Variants in ZBTB43 observed in about 807,000 individuals in gnomAD.
ZBTB43 encodes zinc finger and BTB domain containing 43, also known as zinc finger and BTB domain-containing protein 43.
A neutral mutation model predicts 31.1 loss-of-function variants in ZBTB43; 6 were observed. The ratio of observed to expected loss-of-function variants is 0.19; its 90% CI spans 0.11 to 0.38. The LOEUF is 0.38. Among genes scored for constraint, ZBTB43 ranks in the 10% least tolerant of loss-of-function variants. The probability of loss-of-function intolerance (pLI) is 1.00; values close to 1 mark genes in which losing one functional copy is unlikely to be tolerated. For synonymous variants in ZBTB43, 212 were observed against 221.7 expected, an observed-to-expected ratio of 0.96 and a Z score of 0.39; for missense variants, 379 against 602.1, an observed-to-expected ratio of 0.63 and a Z score of 3.88.
intron 2 of ZBTB43, among the ~76,000 whole-genome samples, chr9:126,829,021 C>T (rs1293996955): frequency 6.6e-6 from 1 of 152,144 alleles, no homozygotes; most frequent in Non-Finnish European, 1.5e-5. Flanking sequence ...AGGAGATAGG[C>T]AGACTTTATT....
In ZBTB43 at chr9:126,834,955, G is replaced by C. The variant is rs1588371215; in HGVS notation, c.*1042G>C. On this transcript the variant is annotated 3_prime_UTR_variant, in exon 3 of 3. Coordinates refer to ENST00000373464, the MANE Select transcript of ZBTB43 (RefSeq NM_014007.4). ...AAGGTGACACTCCACCAACCAGAGT[G>C]AGAGGGCAGATAGGCAGGATTCTAT... The C allele has an allele frequency of 6.0e-6, 1 of 167,066 alleles. No individual in the cohort carries two copies. Among genetic ancestry groups the C allele is most frequent in the East Asian group, 1.9e-4 (1 of 5,200 alleles). The allele number at this position is 167,066 out of a possible 1,614,324, so 10.3% of individuals were successfully genotyped here.
intron 2 of ZBTB43, among the ~76,000 whole-genome samples, chr9:126,813,315 A>G (rs7856497): frequency 0.8 from 122,194 of 152,112 alleles, 49,320 homozygotes; most frequent in East Asian, 0.98. Context: ...GACTACACTT[A>G]TTGAAATCCT....
At position 126,808,207 on chromosome 9, in the gene ZBTB43, C is replaced by T. The variant is rs562922412; in HGVS notation, c.-146-586C>T. 3.2e-3 allele frequency among the ~76,000 whole-genome samples: 485 copies of T among 152,144 alleles called. 2 individuals are homozygous for T. Among genetic ancestry groups the T allele is most frequent in the Non-Finnish European group, 5.4e-3 (368 of 67,994 alleles). On this transcript the variant is annotated intron_variant, in intron 1 of 2. Transcript: ENST00000373464. The stretch of plus-strand genomic sequence containing the variant: ...ATAAATGGGGGGTTAGTTTCTAGAA[C>T]GTTACCTTCTCTTTTGAATCTCAGA...
chr9:126,814,407 T>A (rs1157237524), intron 2 of ZBTB43, among the ~76,000 whole-genome samples: 1 of 125,374 alleles, frequency 8.0e-6, no homozygotes, highest in Non-Finnish European at 1.7e-5. Context: ...GATATTAGTA[T>A]TGTGTTGCTT....
intron 2 of ZBTB43, among the ~76,000 whole-genome samples, chr9:126,827,485 T>G (rs547144567): frequency 6.6e-6 from 1 of 152,176 alleles, no homozygotes; most frequent in African/African-American, 2.4e-5. Context: ...CACACTGATC[T>G]CTTCTGAGCT....
At chr9:126,822,981 G>A (rs140979490) in intron 2 of ZBTB43, among the ~76,000 whole-genome samples, 13 of 151,946 alleles carry the variant, frequency 8.6e-5, no homozygotes, top group African/African-American at 2.9e-4. Context: ...ACAGTATGGT[G>A]TAAGCATTAC....
At chr9:126,828,640 A>AT (rs200815040) in intron 2 of ZBTB43, among the ~76,000 whole-genome samples, 1,674 of 138,710 alleles carry the variant, frequency 0.012, 43 homozygotes, top group African/African-American at 0.042. Flanking sequence ...AATAATAATA[A>AT]TAATAATAAT....
chr9:126,804,365 T>C (rs141911371), upstream of ZBTB43, among the ~76,000 whole-genome samples: 1 of 152,224 alleles, frequency 6.6e-6, no homozygotes, highest in East Asian at 1.9e-4. Flanking sequence ...AAAAGCGAGA[T>C]GGGTGCTGTG....
intron 2 of ZBTB43, among the ~76,000 whole-genome samples, chr9:126,822,159 ATTT>A (rs773251812): frequency 4.2e-5 from 5 of 117,920 alleles, no homozygotes; most frequent in Non-Finnish European, 5.4e-5. Context: ...CTCGGCCGAG[ATTT>A]TTTTTTTTTT....
At position 126,805,145 on chromosome 9, in the gene ZBTB43, C is replaced by A. The variant is rs1390431440; in HGVS notation, c.-147+13C>A. The A allele has an allele frequency of 2.0e-5, 3 of 152,622 alleles. No individual in the cohort carries two copies. The highest frequency in any genetic ancestry group is 4.1e-4 in the South Asian group (2 of 4,838). 9.5% of individuals were successfully genotyped at this position (152,622 alleles called of 1,614,324 possible). ...GAGCCCTTGGCAGGTACTGCGTGGC[C>A]AGGACCACGGGCGGCAAGGGTAGGG... On this transcript the variant is annotated intron_variant, in intron 1 of 2. Coordinates refer to ENST00000373464, the MANE Select transcript of ZBTB43 (RefSeq NM_014007.4).
intron 2 of ZBTB43, among the ~76,000 whole-genome samples, chr9:126,820,475 G>A (rs2032485185): frequency 6.6e-6 from 1 of 152,108 alleles, no homozygotes; most frequent in Non-Finnish European, 1.5e-5. Context: ...AATATTTTAA[G>A]CCCACTGTTG....
At chr9:126,820,267 C>T (rs377281657) in intron 2 of ZBTB43, among the ~76,000 whole-genome samples, 1 of 152,126 alleles carries the variant, frequency 6.6e-6, no homozygotes, top group African/African-American at 2.4e-5. Flanking sequence ...GAGGAGAAGA[C>T]AATACCTGGC....
intron 1 of ZBTB43, among the ~76,000 whole-genome samples, chr9:126,805,895 A>G (rs2032117030): frequency 6.6e-6 from 1 of 152,148 alleles, no homozygotes; most frequent in South Asian, 2.1e-4. Flanking sequence ...CCTCTGAGCC[A>G]TGGAAGGTGA....
intron 2 of ZBTB43, among the ~76,000 whole-genome samples, chr9:126,826,949 C>T (rs1165326195): frequency 6.6e-6 from 1 of 152,112 alleles, no homozygotes. Flanking sequence ...TGTGAATGTA[C>T]TGTATATTCC....
At position 126,833,804 on chromosome 9, in the gene ZBTB43, T is replaced by C; in HGVS notation, c.1295T>C (p.Ile432Thr). Residue 432 changes from isoleucine (I) to threonine (T), a missense_variant, in exon 3 of 3, where the codon ATC becomes ACC. Coordinates refer to ENST00000373464, the MANE Select transcript of ZBTB43 (RefSeq NM_014007.4). The surrounding 1 kb of genome is among the most constrained non-coding windows in gnomAD (Gnocchi z 7.9). ...GGCATAAAGCCGTATGAGTGTAATATCTGTGCAAAGAGGTTTATGTGGAGG... is the reference window on the plus strand; with the variant it reads ...GGCATAAAGCCGTATGAGTGTAATACCTGTGCAAAGAGGTTTATGTGGAGG... ...HTGIKPYECNICAKRFMWRDS... is the reference protein window; with the variant it reads ...HTGIKPYECNTCAKRFMWRDS... The C allele has an allele frequency of 6.2e-7, 1 of 1,610,900 alleles. No homozygotes were observed. The highest frequency in any genetic ancestry group is 8.5e-7 in the Non-Finnish European group (1 of 1,177,258).
At chr9:126,813,016 T>G (rs1409520369) in intron 2 of ZBTB43, among the ~76,000 whole-genome samples, 1 of 151,974 alleles carries the variant, frequency 6.6e-6, no homozygotes, top group Non-Finnish European at 1.5e-5. Flanking sequence ...GTTTTGCTCT[T>G]GTTGCCCAGG....
chr9:126,831,895 T>C (rs895411577), intron 2 of ZBTB43: 2 of 138,760 alleles, frequency 1.4e-5, no homozygotes. Context: ...AAGGTGGAGG[T>C]GGCAGTGAGC....
At chr9:126,828,743 T>C (rs1309145810) in intron 2 of ZBTB43, among the ~76,000 whole-genome samples, 1 of 150,650 alleles carries the variant, frequency 6.6e-6, no homozygotes, top group Non-Finnish European at 1.5e-5. Flanking sequence ...AAGCAAAGAG[T>C]ACTTATTTTA....
At chr9:126,807,745 C>T (rs1443478186) in intron 1 of ZBTB43, among the ~76,000 whole-genome samples, 1 of 152,102 alleles carries the variant, frequency 6.6e-6, no homozygotes, top group Non-Finnish European at 1.5e-5. Flanking sequence ...AAGCGATTCT[C>T]CTGCTTCAAC....
Sources: allele counts gnomAD v4.1 joint callset (sites outside exome capture counted in the v4.1 genomes callset), GRCh38; gene constraint gnomAD v4.1.1; non-coding constraint Gnocchi (gnomAD v3.1); transcripts MANE v1.5; gene names NCBI Gene and HGNC (gene_info 2026-07-23, HGNC 2026-07-21).